RBPJ: variants seen among roughly 807,000 people sequenced by gnomAD.
RBPJ encodes the protein recombination signal binding protein for immunoglobulin kappa J region.
RBPJ carries 9 observed loss-of-function variants against 67.8 expected under a neutral mutation model. The ratio of observed to expected loss-of-function variants is 0.13; its 90% CI spans 0.08 to 0.23. The LOEUF (loss-of-function observed/expected upper bound fraction) is 0.23, where lower values mean the gene tolerates loss of function less well. Among genes scored for constraint, RBPJ ranks in the 10% least tolerant of loss-of-function variants. The pLI, the probability that RBPJ is intolerant of heterozygous loss-of-function variation, is 1.00. For missense variants in RBPJ, 305 were observed against 595.6 expected (o/e 0.51, Z 5.08); for synonymous variants, 198 against 203.3 (o/e 0.97, Z 0.22).
chr4:26,423,482 T>C (rs1033527187), intron 5 of RBPJ, among the ~76,000 whole-genome samples: 3 of 152,212 alleles, frequency 2.0e-5, no homozygotes, highest in Non-Finnish European at 2.9e-5. Context: ...AGAGAATCTT[T>C]AGTGTAGAAT....
intron 1 of RBPJ, 47 bp from the exon 2 acceptor site, chr4:26,386,306 A>T: frequency 7.3e-7 from 1 of 1,366,120 alleles, no homozygotes; most frequent in African/African-American, 1.5e-5. Flanking sequence ...TGTAGAGTGT[A>T]TCATAAAGCT....
At chr4:26,184,671 C>T (rs560389782) in intron 1 of RBPJ, among the ~76,000 whole-genome samples, 1 of 152,190 alleles carries the variant, frequency 6.6e-6, no homozygotes, top group South Asian at 2.1e-4. Context: ...TGTCAATCCT[C>T]ATAACAGATT....
chr4:26,415,444 TTG>T (rs747612597), intron 3 of RBPJ, 29 bp from the exon 4 acceptor site: 4 of 1,526,552 alleles, frequency 2.6e-6, no homozygotes, highest in Non-Finnish European at 2.7e-6. Context: ...TTTTTGCTTC[TTG>T]TTTTTTTTTT....
chr4:26,192,157 G>A (rs1057167833), intron 1 of RBPJ, among the ~76,000 whole-genome samples: 12 of 151,928 alleles, frequency 7.9e-5, no homozygotes, highest in African/African-American at 2.4e-4. Context: ...TACAGGCTGC[G>A]CCACCACGCC....
the RBPJ span, among the ~76,000 whole-genome samples, chr4:26,120,893 T>G: frequency 8.1e-5 from 11 of 135,898 alleles, no homozygotes; most frequent in Non-Finnish European, 1.5e-4. Context: ...CCTATGTGAT[T>G]AAACCAAGAT....
chr4:26,163,414 A>C (rs1344231509), upstream of RBPJ: 6 of 148,866 alleles, frequency 4.0e-5, no homozygotes, highest in Non-Finnish European at 8.9e-5. Context: ...TTGTGTCTGC[A>C]TTTTTTCCCT....
the RBPJ span, among the ~76,000 whole-genome samples, chr4:26,147,679 C>T: frequency 9.2e-5 from 14 of 152,212 alleles, no homozygotes; most frequent in African/African-American, 3.4e-4. Flanking sequence ...AGTGCAGTGG[C>T]GTGATCTCGG....
chr4:26,160,195 G>A (rs539502125), upstream of RBPJ, among the ~76,000 whole-genome samples: 1 of 152,246 alleles, frequency 6.6e-6, no homozygotes, highest in African/African-American at 2.4e-5. Context: ...TGGGATTACA[G>A]GCGTGAGCCA....
chr4:26,149,743 G>A, the RBPJ span, among the ~76,000 whole-genome samples: 1 of 152,206 alleles, frequency 6.6e-6, no homozygotes, highest in Non-Finnish European at 1.5e-5. Context: ...ACCATGAGAA[G>A]TAAATTTCTT....
chr4:26,252,654 T>C (rs1720153247), intron 1 of RBPJ, among the ~76,000 whole-genome samples: 1 of 152,164 alleles, frequency 6.6e-6, no homozygotes, highest in Admixed American at 6.5e-5. Context: ...AATCTTAACA[T>C]TTAAGAGTTG....
intron 1 of RBPJ, among the ~76,000 whole-genome samples, chr4:26,279,520 C>CCCG (rs1721190789): frequency 6.6e-6 from 1 of 152,200 alleles, no homozygotes; most frequent in Admixed American, 6.5e-5. Flanking sequence ...TCGTGATCCA[C>CCCG]CCGCCTCGGC....
chr4:26,316,121 C>T (rs1434170194), upstream of RBPJ, among the ~76,000 whole-genome samples: 1 of 151,896 alleles, frequency 6.6e-6, no homozygotes. Context: ...TAAAGTAAGA[C>T]AGGCATAAGA....
chr4:26,398,728 C>T (rs1732431655), intron 2 of RBPJ, among the ~76,000 whole-genome samples: 1 of 152,142 alleles, frequency 6.6e-6, no homozygotes. Context: ...CTTCTTTTGC[C>T]TCAGCCTCCC....
intron 1 of RBPJ, among the ~76,000 whole-genome samples, chr4:26,251,799 G>C (rs1276092987): frequency 7.7e-6 from 1 of 129,516 alleles, no homozygotes; most frequent in Non-Finnish European, 1.6e-5. Flanking sequence ...AGTGAGCCAA[G>C]ATTGTGCCGT....
chr4:26,323,210 T>C (rs1723270511), intron 1 of RBPJ, among the ~76,000 whole-genome samples: 1 of 152,048 alleles, frequency 6.6e-6, no homozygotes, highest in Non-Finnish European at 1.5e-5. Context: ...TTACCAATAA[T>C]CTTATGTCTC....
Position 26,215,278 on chromosome 4 carries a change from G to GAGGAA in RBPJ, c.-167+51666_-167+51667insGAAAG, listed in dbSNP as rs1560214636. On this transcript the variant is annotated intron_variant, in intron 1 of 4. Transcript: ENST00000512351. ...AAGAAAGGAAGGGAGGGAGGAAAAA[G>GAGGAA]AGAGAGAAAGAAAGAGAAAAAGAGA... is the stretch of plus-strand genomic sequence containing the variant. 1.3e-3 allele frequency among the ~76,000 whole-genome samples: 83 copies of GAGGAA among 64,080 alleles called. 3 individuals carry two copies. The highest frequency in any genetic ancestry group is 2.9e-3 in the African/African-American group (33 of 11,336). 42.0% of individuals were successfully genotyped at this position (64,080 alleles called of 152,430 possible). A position where few individuals can be genotyped will look rare whatever the true frequency, so the allele number is the denominator to read the frequency against.
chr4:26,377,749 TTC>T (rs2109584536), intron 1 of RBPJ, among the ~76,000 whole-genome samples: 1 of 152,336 alleles, frequency 6.6e-6, no homozygotes, highest in South Asian at 2.1e-4. Flanking sequence ...TTATCTGCCT[TTC>T]TCTGTTTTTA....
chr4:26,303,991 A>C (rs898514793), intron 1 of RBPJ, among the ~76,000 whole-genome samples: 1 of 151,894 alleles, frequency 6.6e-6, no homozygotes, highest in African/African-American at 2.4e-5. Context: ...GACTTTTATC[A>C]CTCCAAATGA....
At chr4:26,249,380 C>T (rs1232150065) in intron 1 of RBPJ, among the ~76,000 whole-genome samples, 1 of 152,098 alleles carries the variant, frequency 6.6e-6, no homozygotes, top group Non-Finnish European at 1.5e-5. Flanking sequence ...ATGGGGTCAG[C>T]CGGGTATGGT....
Sources: allele counts gnomAD v4.1 joint callset (sites outside exome capture counted in the v4.1 genomes callset), GRCh38; gene constraint gnomAD v4.1.1; transcripts MANE v1.5; gene names NCBI Gene and HGNC (gene_info 2026-07-23, HGNC 2026-07-21).